DACH2: variants seen among roughly 807,000 people sequenced by gnomAD.
DACH2 encodes dachshund family transcription factor 2.
A neutral mutation model predicts 35.8 loss-of-function variants in DACH2; 17 were observed. That is an observed-to-expected ratio of 0.48 (90% confidence interval 0.33 to 0.71). DACH2 has a LOEUF of 0.71. Among genes scored for constraint, DACH2 ranks in the 30% least tolerant of loss-of-function variants. DACH2 has a pLI of 0.02. For missense variants in DACH2, 469 were observed against 472.7 expected (o/e 0.99, Z 0.07); for synonymous variants, 195 against 177.3 (o/e 1.10, Z -0.79).
chrX:86,791,452 T>C (rs747341172), intron 7 of DACH2, among the ~76,000 whole-genome samples: 1 of 111,793 alleles, frequency 8.9e-6, no homozygotes, highest in Non-Finnish European at 1.9e-5. Context: ...AATTACTGGC[T>C]TTCTGACCAC....
At chrX:86,178,356 T>G (rs1026519795) in intron 1 of DACH2, among the ~76,000 whole-genome samples, 2 of 111,604 alleles carry the variant, frequency 1.8e-5, no homozygotes, top group African/African-American at 6.5e-5. Flanking sequence ...AAAGTGTTTA[T>G]GTTTTCTCTC....
chrX:86,418,580 C>A (rs755018214), intron 2 of DACH2, among the ~76,000 whole-genome samples: 1 of 111,683 alleles, frequency 9.0e-6, no homozygotes, highest in Non-Finnish European at 1.9e-5. Flanking sequence ...CTCAGGGCAG[C>A]TGAGATGCAG....
intron 1 of DACH2, among the ~76,000 whole-genome samples, chrX:86,182,253 C>G (rs1231475578): frequency 8.9e-6 from 1 of 111,884 alleles, no homozygotes; most frequent in African/African-American, 3.3e-5. Context: ...GTCATGAAGT[C>G]TTTGCCCATG....
Position 86,714,541 on chromosome X carries a change from C to T in DACH2, c.932-7C>T. The T allele has an allele frequency of 8.4e-7, 1 of 1,187,510 alleles. No homozygotes were observed. The highest frequency in any genetic ancestry group is 1.1e-6 in the Non-Finnish European group (1 of 878,562). The stretch of plus-strand genomic sequence containing the variant: ...GTAACAAGTTTAATATGCACTGTCT[C>T]TTTTAGGACTGGATCTGCCATTTAT... On this transcript the variant is annotated splice_polypyrimidine_tract_variant and splice_region_variant and intron_variant, in intron 5 of 11. Transcript: ENST00000373125.
At chrX:86,678,135 A>C (rs1388389684) in intron 4 of DACH2, among the ~76,000 whole-genome samples, 1 of 112,083 alleles carries the variant, frequency 8.9e-6, no homozygotes, top group African/African-American at 3.2e-5. Flanking sequence ...ATTTTAAAGA[A>C]AAATACAAGG....
chrX:86,231,054 A>G (rs939131953), intron 1 of DACH2, among the ~76,000 whole-genome samples: 2 of 111,590 alleles, frequency 1.8e-5, no homozygotes, highest in African/African-American at 6.5e-5. Flanking sequence ...TTGTTTCTCC[A>G]GTTCTTTGAG....
chrX:86,291,450 T>G (rs1249307773), intron 1 of DACH2, among the ~76,000 whole-genome samples: 1 of 102,153 alleles, frequency 9.8e-6, no homozygotes. Context: ...GGCCAGAACT[T>G]CCAACACTAT....
chrX:86,666,310 T>A (rs201221933), intron 4 of DACH2, among the ~76,000 whole-genome samples: 2 of 44,868 alleles, frequency 4.5e-5, no homozygotes, highest in East Asian at 6.3e-4. Flanking sequence ...TGTGTGTGTG[T>A]GTGAGAGAGA....
chrX:86,634,878 A>G (rs1411827182), intron 3 of DACH2, among the ~76,000 whole-genome samples: 1 of 111,739 alleles, frequency 8.9e-6, no homozygotes, highest in Non-Finnish European at 1.9e-5. Context: ...CAATCTACAG[A>G]TTCCCTGCAA....
chrX:86,430,909 G>A (rs781317695), intron 2 of DACH2, among the ~76,000 whole-genome samples: 4 of 111,806 alleles, frequency 3.6e-5, no homozygotes, highest in Non-Finnish European at 7.5e-5. Context: ...ACGATGACAT[G>A]TTTTTTGTTA....
At chrX:86,830,301 A>G (rs974246309) in intron 11 of DACH2, 1 of 112,209 alleles carries the variant, frequency 8.9e-6, no homozygotes, top group African/African-American at 3.2e-5. Flanking sequence ...AACAGTAACC[A>G]AATATGTGTC....
chrX:86,750,567 T>C (rs1175629166), intron 7 of DACH2, among the ~76,000 whole-genome samples: 1 of 111,821 alleles, frequency 8.9e-6, no homozygotes, highest in African/African-American at 3.2e-5. Flanking sequence ...ACTGAAACTT[T>C]AAACCAGTTG....
chrX:86,696,226 G>A (rs1297778588), intron 5 of DACH2, among the ~76,000 whole-genome samples: 1 of 111,455 alleles, frequency 9.0e-6, no homozygotes, highest in African/African-American at 3.3e-5. Flanking sequence ...TAGGATGAAG[G>A]CAACAGAGGA....
intron 2 of DACH2, among the ~76,000 whole-genome samples, chrX:86,465,418 A>G (rs2037648921): frequency 8.9e-6 from 1 of 111,957 alleles, no homozygotes; most frequent in Admixed American, 9.5e-5. Flanking sequence ...GACATTCCTA[A>G]GTAGTGGAGC....
chrX:86,721,851 A>G, intron 6 of DACH2, among the ~76,000 whole-genome samples: 1 of 111,486 alleles, frequency 9.0e-6, no homozygotes, highest in Non-Finnish European at 1.9e-5. Context: ...GCAGGAGGAG[A>G]GAGAATGACT....
intron 3 of DACH2, among the ~76,000 whole-genome samples, chrX:86,618,152 C>T (rs1485550469): frequency 9.0e-6 from 1 of 111,289 alleles, no homozygotes; most frequent in African/African-American, 3.3e-5. Flanking sequence ...GTGGTCTCAG[C>T]TATTTGGGAG....
chrX:86,603,182 A>G (rs183992155), intron 3 of DACH2, among the ~76,000 whole-genome samples: 1 of 109,916 alleles, frequency 9.1e-6, no homozygotes, highest in Non-Finnish European at 1.9e-5. Flanking sequence ...TTTTTCCTCT[A>G]TGTGTGCCTG....
At chrX:86,629,004 T>G (rs1429889770) in intron 3 of DACH2, among the ~76,000 whole-genome samples, 1 of 112,423 alleles carries the variant, frequency 8.9e-6, no homozygotes, top group East Asian at 2.8e-4. Context: ...AAATATATTA[T>G]TGAATTTGAG....
intron 1 of DACH2, among the ~76,000 whole-genome samples, chrX:86,309,479 T>TTC (rs36006631): frequency 0.19 from 21,433 of 111,458 alleles, 2,292 homozygotes; most frequent in African/African-American, 0.38. Flanking sequence ...CTCTCCGTCT[T>TTC]TGTCATAATA....
Sources: gnomAD v4.1 joint callset for allele counts (sites outside exome capture counted in the v4.1 genomes callset) on GRCh38, gnomAD v4.1.1 for gene constraint, MANE v1.5 for transcripts, NCBI Gene and HGNC (gene_info 2026-07-23, HGNC 2026-07-21) for gene names.